The following NCOR2 variants were observed in gnomAD, a reference collection of about 807,000 sequenced individuals.
NCOR2 encodes CTG repeat protein 26.
Under a neutral mutation model 262.9 loss-of-function variants are expected in NCOR2, and 81 were observed. That is an observed-to-expected ratio of 0.31 (90% CI 0.26 to 0.37). NCOR2 has a LOEUF of 0.37. Among genes scored for constraint, NCOR2 ranks in the 10% least tolerant of loss-of-function variants. NCOR2 has a pLI of 1.00. For missense variants in NCOR2, 3,385 were observed against 3,621.4 expected, an observed-to-expected ratio of 0.93 and a Z score of 1.68; for synonymous variants, 1,659 against 1,559.3, an observed-to-expected ratio of 1.06 and a Z score of -1.51.
chr12:124,564,238 C>A (rs987353006), intron 1 of NCOR2, among the ~76,000 whole-genome samples: 3 of 152,208 alleles, frequency 2.0e-5, no homozygotes, highest in Admixed American at 2.0e-4. Context: ...CTTTCCCAAG[C>A]ATCACTTCCC....
chr12:124,521,439 A>C (rs2050180522), intron 1 of NCOR2, among the ~76,000 whole-genome samples: 1 of 152,250 alleles, frequency 6.6e-6, no homozygotes, highest in Non-Finnish European at 1.5e-5. Flanking sequence ...CGCCATATAA[A>C]GGAATGAAGG....
intron 17 of NCOR2, among the ~76,000 whole-genome samples, chr12:124,380,089 C>T (rs1163401366): frequency 6.6e-6 from 1 of 152,248 alleles, no homozygotes; most frequent in Non-Finnish European, 1.5e-5. Context: ...GGGAATCACA[C>T]ATCCCTCTGC....
intron 19 of NCOR2, among the ~76,000 whole-genome samples, chr12:124,372,912 G>A (rs1346822326): frequency 6.6e-6 from 1 of 152,176 alleles, no homozygotes; most frequent in Non-Finnish European, 1.5e-5. Context: ...GACAGATGGA[G>A]CCAGCCTGAG....
Position 124,523,960 on chromosome 12 carries a change from T to C in NCOR2, c.-118+11605A>G, listed in dbSNP as rs1237252428. 6.6e-6 allele frequency among the ~76,000 whole-genome samples: 1 copy of C among 152,212 alleles called. No homozygotes were observed. ...GTCAGGCCCCACTGGAGACATGGTA[T>C]TGTTCTCTGAGAAACTGCTGTGGCC... On this transcript the variant is annotated intron_variant, in intron 1 of 46. Coordinates refer to the NCOR2 transcript ENST00000404621. This position sits in a 1 kb window ranked among gnomAD's most constrained non-coding sequence, Gnocchi z 4.0.
At chr12:124,458,456 GCCATGC>G (rs2045994908) in intron 5 of NCOR2, among the ~76,000 whole-genome samples, 1 of 152,198 alleles carries the variant, frequency 6.6e-6, no homozygotes, top group Admixed American at 6.5e-5. Context: ...CAAGAGCAGA[GCCATGC>G]TCTTGGCCAC....
intron 28 of NCOR2, 96 bp from the exon 31 acceptor site, chr12:124,348,410 C>CATGGA: frequency 6.9e-7 from 1 of 1,457,142 alleles, no homozygotes; most frequent in Non-Finnish European, 9.2e-7. Context: ...CAGGAGCCAG[C>CATGGA]AGTGCTTCCA....
At chr12:124,502,462 A>G (rs1037188514) in intron 1 of NCOR2, among the ~76,000 whole-genome samples, 1 of 152,224 alleles carries the variant, frequency 6.6e-6, no homozygotes, top group South Asian at 2.1e-4. Flanking sequence ...GTACATTTTG[A>G]AAGTGGGCAG....
intron 1 of NCOR2, among the ~76,000 whole-genome samples, chr12:124,565,245 C>G (rs2052197893): frequency 6.6e-6 from 1 of 152,100 alleles, no homozygotes; most frequent in African/African-American, 2.4e-5. Flanking sequence ...GCCTGCTGCG[C>G]TCCCGCCCCC....
exon 47 of NCOR2, chr12:124,325,377 G>GGGC: frequency 8.1e-6 from 2 of 246,784 alleles, no homozygotes; most frequent in East Asian, 6.6e-5. Flanking sequence ...ACCTGACACC[G>GGGC]CCCCCCCCCC....
intron 18 of NCOR2, 58 bp from the exon 21 acceptor site, chr12:124,374,521 G>A: frequency 1.3e-6 from 2 of 1,555,478 alleles, no homozygotes; most frequent in South Asian, 1.1e-5. Flanking sequence ...TGGGAGGGGA[G>A]GGAGGAGGCA....
intron 4 of NCOR2, among the ~76,000 whole-genome samples, chr12:124,469,968 C>G (rs945739162): frequency 6.6e-6 from 1 of 152,074 alleles, no homozygotes; most frequent in Non-Finnish European, 1.5e-5. Context: ...CAGTTTGAGA[C>G]CAGCTTGGGC....
chr12:124,401,821 T>C (rs1293046632), intron 14 of NCOR2, among the ~76,000 whole-genome samples: 1 of 152,234 alleles, frequency 6.6e-6, no homozygotes, highest in Admixed American at 6.5e-5. Flanking sequence ...GCCAAATTCC[T>C]GAGCCCATTA....
intron 20 of NCOR2, among the ~76,000 whole-genome samples, chr12:124,368,319 G>A (rs141844471): frequency 2.6e-5 from 4 of 152,306 alleles, no homozygotes; most frequent in South Asian, 2.1e-4. Flanking sequence ...GACATTCATC[G>A]GAACATGCTG....
exon 28 of NCOR2, chr12:124,350,642 C>T (rs754412148): frequency 1.9e-6 from 3 of 1,613,976 alleles, no homozygotes; most frequent in Non-Finnish European, 2.5e-6. Flanking sequence ...GGCCCTTGGG[C>T]AGGCTGTCCT....
At position 124,483,857 on chromosome 12, in the gene NCOR2, C is replaced by T; in HGVS notation, c.234-84G>A. On this transcript the variant is annotated intron_variant, in intron 2 of 46. Transcript: ENST00000405201. This position sits in a 1 kb window ranked among gnomAD's most constrained non-coding sequence, Gnocchi z 6.3. ...GGCCCCGACCACCCTCTGCGCCGAG[C>T]ATCTACTGCGCGCCGTGCTCTGTAT... 2.1e-6 allele frequency: 3 copies of T among 1,399,938 alleles called. No individual in the cohort carries two copies. Among genetic ancestry groups the T allele is most frequent in the African/African-American group, 1.5e-5 (1 of 68,952 alleles). 86.7% of individuals were successfully genotyped at this position (1,399,938 alleles called of 1,614,324 possible).
chr12:124,335,552 C>G (rs769263515), exon 39 of NCOR2: 1 of 1,609,490 alleles, frequency 6.2e-7, no homozygotes, highest in Non-Finnish European at 8.5e-7. Context: ...TTGGGGAGCC[C>G]CTTGTCGTGG....
At chr12:124,485,249 G>A (rs1284955166) in intron 2 of NCOR2, among the ~76,000 whole-genome samples, 1 of 152,194 alleles carries the variant, frequency 6.6e-6, no homozygotes, top group Non-Finnish European at 1.5e-5. Context: ...GACCTTCTTT[G>A]GACCTAGGGT....
chr12:124,388,699 G>A (rs773719513), intron 16 of NCOR2: 468 of 1,304,364 alleles, frequency 3.6e-4, no homozygotes, highest in Non-Finnish European at 4.5e-4. Flanking sequence ...TCTCATTCGC[G>A]TCTCCCCCTC....
chr12:124,341,813 A>T lies in NCOR2; in HGVS notation c.5188+10T>A. ...CAAACCCAGCGGAGGTGGTCTGCCC[A>T]CCCACTCACCTCGGGGACCCGCAGC... On this transcript the variant is annotated intron_variant, in intron 34 of 46. Coordinates refer to ENST00000405201, the Ensembl canonical transcript of NCOR2. 1 of 1,592,448 alleles carries T rather than the reference A, an allele frequency of 6.3e-7. No individual in the cohort carries two copies. The highest frequency in any genetic ancestry group is 8.5e-7 in the Non-Finnish European group (1 of 1,171,924).
Sources: allele counts gnomAD v4.1 joint callset (sites outside exome capture counted in the v4.1 genomes callset), GRCh38; gene constraint gnomAD v4.1.1; non-coding constraint Gnocchi (gnomAD v3.1); transcripts MANE v1.5; gene names NCBI Gene and HGNC (gene_info 2026-07-23, HGNC 2026-07-21).